SPATS2: variants seen among roughly 807,000 people sequenced by gnomAD.
The protein encoded by SPATS2 is spermatogenesis associated serine rich 2.
A neutral mutation model predicts 63.7 loss-of-function variants in SPATS2; 38 were observed. The observed-to-expected ratio is 0.60, with a 90% CI of 0.46 to 0.78. The LOEUF (loss-of-function observed/expected upper bound fraction) is 0.78. Ranked by LOEUF, SPATS2 falls within the 30% of genes least tolerant of loss-of-function variation. The pLI is 0.00. For synonymous variants in SPATS2, 207 were observed against 232.9 expected, an observed-to-expected ratio of 0.89 and a Z score of 1.01; for missense variants, 588 against 666.2, an observed-to-expected ratio of 0.88 and a Z score of 1.29.
At chr12:49,377,274 A>G (rs562744024) in intron 2 of SPATS2, among the ~76,000 whole-genome samples, 1 of 152,288 alleles carries the variant, frequency 6.6e-6, no homozygotes, top group Admixed American at 6.5e-5. Flanking sequence ...TGATGATCCT[A>G]TAAATTAGAC....
chr12:49,428,867 G>A (rs1220609271), intron 2 of SPATS2, among the ~76,000 whole-genome samples: 1 of 152,086 alleles, frequency 6.6e-6, no homozygotes, highest in African/African-American at 2.4e-5. Context: ...GCTGAGGACC[G>A]GAGTTTTATA....
At chr12:49,466,639 T>C (rs1945921271) in intron 3 of SPATS2, among the ~76,000 whole-genome samples, 2 of 152,228 alleles carry the variant, frequency 1.3e-5, no homozygotes, top group South Asian at 4.1e-4. Flanking sequence ...GACTCTGTTC[T>C]GTTACATTGA....
intron 2 of SPATS2, among the ~76,000 whole-genome samples, chr12:49,395,356 A>G (rs1565700854): frequency 6.6e-6 from 1 of 151,492 alleles, no homozygotes; most frequent in Non-Finnish European, 1.5e-5. Context: ...TACAATGTTG[A>G]AGAGAAGCAG....
chr12:49,490,872 G>C (rs1242104880), intron 6 of SPATS2, 141 bp downstream of exon 6: 6 of 739,382 alleles, frequency 8.1e-6, no homozygotes, highest in Non-Finnish European at 1.3e-5. Context: ...CCAGGTGCAG[G>C]GGCTCACACC....
At chr12:49,395,517 A>G (rs1348277971) in intron 2 of SPATS2, among the ~76,000 whole-genome samples, 1 of 150,990 alleles carries the variant, frequency 6.6e-6, no homozygotes, top group Non-Finnish European at 1.5e-5. Context: ...CTCCTCCTCC[A>G]TGATTCAAGT....
intron 9 of SPATS2, chr12:49,514,293 G>A (rs78965795): frequency 0.018 from 6,494 of 357,326 alleles, 96 homozygotes; most frequent in East Asian, 0.051. Context: ...ACTCTTAGAC[G>A]TCTACAATTG....
intron 9 of SPATS2, among the ~76,000 whole-genome samples, chr12:49,504,770 C>CTTTTTTTTTTTTTTTTTTTTTTTTT (rs745453843): frequency 2.0e-5 from 2 of 98,858 alleles, no homozygotes; most frequent in Admixed American, 1.1e-4. Context: ...TTCTTTCTTT[C>CTTTTTTTTTTTTTTTTTTTTTTTTT]TTTTTTTTTT....
In SPATS2 at chr12:49,402,054, G is replaced by A. The variant is rs557880531; in HGVS notation, c.-244+30764G>A. Among the ~76,000 whole-genome samples the A allele has an allele frequency of 2.6e-5, 4 of 152,310 alleles. No individual in the cohort carries two copies. In the South Asian group the frequency reaches 8.3e-4, roughly 32 times the overall value. On this transcript the variant is annotated intron_variant, in intron 2 of 13. Transcript: ENST00000552918. ...TGCAGTGGTGCAAACACGGCTCATC[G>A]CAGCCTTGACCTCTTGGGCTCAGTT... is the stretch of plus-strand genomic sequence containing the variant.
chr12:49,458,735 T>TTTG (rs1168669711), intron 2 of SPATS2, among the ~76,000 whole-genome samples: 2 of 150,948 alleles, frequency 1.3e-5, no homozygotes, highest in African/African-American at 4.9e-5. Context: ...CCATCTCGTT[T>TTTG]TTTTTTTTTT....
At chr12:49,384,705 A>G (rs1055794407) in intron 2 of SPATS2, among the ~76,000 whole-genome samples, 3 of 152,178 alleles carry the variant, frequency 2.0e-5, no homozygotes, top group African/African-American at 7.2e-5. Context: ...TTTTCTCACT[A>G]GATTATAAGC....
intron 11 of SPATS2, among the ~76,000 whole-genome samples, chr12:49,521,860 G>T (rs941482456): frequency 1.3e-5 from 2 of 152,128 alleles, no homozygotes; most frequent in African/African-American, 4.8e-5. Context: ...AAGGCCGGAA[G>T]GTCATTTTTC....
chr12:49,425,175 AC>A (rs1485639693), intron 2 of SPATS2, among the ~76,000 whole-genome samples: 2 of 151,760 alleles, frequency 1.3e-5, no homozygotes, highest in African/African-American at 4.8e-5. Flanking sequence ...ATGAGTACAA[AC>A]CCTTTTTTTA....
intron 2 of SPATS2, among the ~76,000 whole-genome samples, chr12:49,448,854 T>C (rs374367751): frequency 6.6e-6 from 1 of 152,282 alleles, no homozygotes; most frequent in East Asian, 1.9e-4. Flanking sequence ...ATTAAAAAAT[T>C]GGGAATTTCT....
intron 2 of SPATS2, among the ~76,000 whole-genome samples, chr12:49,445,014 G>T (rs1945487000): frequency 6.6e-6 from 1 of 152,108 alleles, no homozygotes; most frequent in Admixed American, 6.5e-5. Context: ...GATTCCTTAG[G>T]ATTTTCTGTA....
chr12:49,497,911 C>G (rs1193152989), intron 8 of SPATS2, among the ~76,000 whole-genome samples: 3 of 151,906 alleles, frequency 2.0e-5, no homozygotes, highest in Admixed American at 2.0e-4. Context: ...AGATAATACC[C>G]TGTGTTTCCT....
rs1945808207 is a variant in SPATS2, at chr12:49,460,770, A to T, written c.-243A>T. The T allele has an allele frequency of 1.8e-6, 1 of 547,308 alleles. No homozygotes were observed. Among genetic ancestry groups the T allele is most frequent in the Non-Finnish European group, 3.3e-6 (1 of 305,096 alleles). The allele number at this position is 547,308 out of a possible 1,614,324, so 33.9% of individuals were successfully genotyped here. ...TGTGTGTTTGTGTTTTTCCCTCCAG[A>T]ATCTCCCTGGAAAAGGAGACATGAA... is the stretch of plus-strand genomic sequence containing the variant. On this transcript the variant is annotated splice_region_variant and 5_prime_UTR_variant, in exon 3 of 14. Transcript: ENST00000552918.
intron 2 of SPATS2, among the ~76,000 whole-genome samples, chr12:49,387,759 A>C (rs1944345062): frequency 6.6e-6 from 1 of 151,204 alleles, no homozygotes; most frequent in Non-Finnish European, 1.5e-5. Flanking sequence ...GGCCTGGTGG[A>C]GAGCAGGCAG....
At chr12:49,489,824 CAT>C (rs1946354541) in intron 5 of SPATS2, among the ~76,000 whole-genome samples, 1 of 152,114 alleles carries the variant, frequency 6.6e-6, no homozygotes, top group African/African-American at 2.4e-5. Flanking sequence ...AAGAGGAAAT[CAT>C]GTGGCCAGTG....
intron 9 of SPATS2, among the ~76,000 whole-genome samples, chr12:49,501,083 C>T (rs967364777): frequency 2.0e-5 from 3 of 152,144 alleles, no homozygotes; most frequent in African/African-American, 7.2e-5. Flanking sequence ...TCCCAAGTAG[C>T]TGGTACTACA....
Sources: allele counts gnomAD v4.1 joint callset (sites outside exome capture counted in the v4.1 genomes callset), GRCh38; gene constraint gnomAD v4.1.1; transcripts MANE v1.5; gene names NCBI Gene and HGNC (gene_info 2026-07-23, HGNC 2026-07-21).